The following DPP6 variants were observed in gnomAD, a reference collection of about 807,000 sequenced individuals.
DPP6 encodes A-type potassium channel modulatory protein DPP6.
In DPP6, 69 loss-of-function variants were observed where a neutral mutation model predicts 122.6. That is an observed-to-expected ratio of 0.56 (90% confidence interval 0.46 to 0.69). The LOEUF (loss-of-function observed/expected upper bound fraction) is 0.69. Among genes scored for constraint, DPP6 ranks in the 30% least tolerant of loss-of-function variants. The pLI, the probability that DPP6 is intolerant of heterozygous loss-of-function variation, is 0.00. For missense variants in DPP6, 928 were observed against 1,116.9 expected, an observed-to-expected ratio of 0.83 and a Z score of 2.41; for synonymous variants, 418 against 433.1, an observed-to-expected ratio of 0.97 and a Z score of 0.43.
At chr7:154,885,794 CG>C (rs1563327900) in intron 22 of DPP6, 50 bp downstream of exon 22, 2 of 1,548,910 alleles carry the variant, frequency 1.3e-6, no homozygotes, top group Admixed American at 3.9e-5. Flanking sequence ...CGCCCCGCCC[CG>C]CCCCCTGCCT....
At chr7:154,010,596 C>A (rs1434090501) in intron 1 of DPP6, among the ~76,000 whole-genome samples, 4 of 152,214 alleles carry the variant, frequency 2.6e-5, no homozygotes, top group Non-Finnish European at 5.9e-5. Flanking sequence ...TCAGTGTCTA[C>A]CTTTCTGTGG....
At chr7:153,970,176 C>A (rs983930509) in intron 1 of DPP6, among the ~76,000 whole-genome samples, 12 of 152,106 alleles carry the variant, frequency 7.9e-5, no homozygotes, top group African/African-American at 2.9e-4. Flanking sequence ...AATTTTTATT[C>A]TTTTAGCAAA....
chr7:154,253,666 G>A (rs755745898), intron 1 of DPP6, among the ~76,000 whole-genome samples: 2 of 152,216 alleles, frequency 1.3e-5, no homozygotes, highest in Non-Finnish European at 2.9e-5. Flanking sequence ...GATGATTGAT[G>A]ATGACAATGA....
intron 1 of DPP6, among the ~76,000 whole-genome samples, chr7:154,397,484 G>A (rs1815191745): frequency 6.6e-6 from 1 of 152,148 alleles, no homozygotes; most frequent in Non-Finnish European, 1.5e-5. Flanking sequence ...CAAATGCAAT[G>A]TCTTTGTTAT....
chr7:154,423,683 G>C (rs1982860), intron 1 of DPP6, among the ~76,000 whole-genome samples: 108,057 of 152,092 alleles, frequency 0.71, 38,716 homozygotes, highest in South Asian at 0.78. Flanking sequence ...CAGACAAAAA[G>C]GAATAAGCAA....
At chr7:154,678,083 C>T (rs1273705964) in intron 7 of DPP6, among the ~76,000 whole-genome samples, 1 of 152,112 alleles carries the variant, frequency 6.6e-6, no homozygotes, top group Admixed American at 6.5e-5. Context: ...TCTGTAAATA[C>T]GCACCAATCA....
intron 1 of DPP6, among the ~76,000 whole-genome samples, chr7:153,957,871 C>T (rs1261503813): frequency 6.6e-6 from 1 of 152,064 alleles, no homozygotes; most frequent in African/African-American, 2.4e-5. Context: ...ACTAGCTGCC[C>T]TAGAAAAATT....
intron 6 of DPP6, among the ~76,000 whole-genome samples, chr7:154,660,462 T>C (rs1837572594): frequency 6.7e-6 from 1 of 149,322 alleles, no homozygotes; most frequent in Admixed American, 6.6e-5. Flanking sequence ...GTTCATGCAG[T>C]CATGATGAAT....
chr7:154,544,940 C>T (rs1406938307), intron 4 of DPP6, among the ~76,000 whole-genome samples: 3 of 152,298 alleles, frequency 2.0e-5, no homozygotes, highest in South Asian at 4.1e-4. Context: ...TGGGTCCAGG[C>T]AGCAGTAGCA....
chr7:153,826,935 C>T, the DPP6 span, among the ~76,000 whole-genome samples: 1 of 151,910 alleles, frequency 6.6e-6, no homozygotes, highest in African/African-American at 2.4e-5. Context: ...GAAAATGTAA[C>T]TCATTTATTC....
intron 1 of DPP6, among the ~76,000 whole-genome samples, chr7:154,289,971 C>T (rs1805099503): frequency 6.6e-6 from 1 of 152,112 alleles, no homozygotes; most frequent in African/African-American, 2.4e-5. Context: ...GTGATGCTTG[C>T]TGGAATGACC....
rs536048946 is a variant in DPP6 at position 154,057,625 on chromosome 7, T to C, written c.243+4562T>C. ...AGAATTCTTAGGAGCTGTGGGGTTT[T>C]GTAGGCTGTGGATCCCAAACGTTGC... On this transcript the variant is annotated intron_variant, in intron 1 of 25. Transcript: ENST00000377770. The C allele has an allele frequency of 1.9e-3, 281 of 150,980 alleles. 18 individuals are homozygous for C. The highest frequency in any genetic ancestry group is 6.6e-3 in the African/African-American group (266 of 40,076). 9.4% of individuals were successfully genotyped at this position (150,980 alleles called of 1,614,324 possible).
intron 1 of DPP6, among the ~76,000 whole-genome samples, chr7:154,057,012 C>T (rs569967674): frequency 2.6e-5 from 4 of 152,340 alleles, no homozygotes; most frequent in African/African-American, 9.6e-5. Flanking sequence ...TACTCACCTA[C>T]AGAATAGCTA....
intron 1 of DPP6, among the ~76,000 whole-genome samples, chr7:154,232,288 TC>T (rs1302891883): frequency 4.6e-5 from 7 of 152,000 alleles, no homozygotes; most frequent in South Asian, 2.1e-4. Flanking sequence ...AAACAGGGTG[TC>T]CCAGCAAACA....
At chr7:153,754,559 A>T in the DPP6 span, among the ~76,000 whole-genome samples, 3 of 152,196 alleles carry the variant, frequency 2.0e-5, no homozygotes, top group African/African-American at 7.2e-5. Flanking sequence ...GGGTGCAAAG[A>T]TCACCTTGAA....
intron 4 of DPP6, among the ~76,000 whole-genome samples, chr7:154,558,472 A>T (rs746482469): frequency 1.9e-4 from 29 of 152,238 alleles, no homozygotes; most frequent in Non-Finnish European, 3.2e-4. Context: ...TTAGCACTCA[A>T]ATATAGTCAT....
At chr7:154,109,271 A>ACTTTT (rs954502691) in intron 1 of DPP6, among the ~76,000 whole-genome samples, 1 of 152,226 alleles carries the variant, frequency 6.6e-6, no homozygotes, top group East Asian at 1.9e-4. Context: ...GTATGCTGTT[A>ACTTTT]CTTTTCTTTT....
intron 1 of DPP6, among the ~76,000 whole-genome samples, chr7:154,004,716 C>T (rs1217546194): frequency 1.3e-5 from 2 of 151,568 alleles, no homozygotes; most frequent in Non-Finnish European, 2.9e-5. Context: ...CATTTCTCCA[C>T]GTCCCTATAA....
chr7:153,836,577 A>G, the DPP6 span, among the ~76,000 whole-genome samples: 10 of 152,224 alleles, frequency 6.6e-5, no homozygotes, highest in Non-Finnish European at 8.8e-5. Context: ...TTGTAAAAAG[A>G]GAATAATGAC....
Sources: gnomAD v4.1 joint callset for allele counts (sites outside exome capture counted in the v4.1 genomes callset) on GRCh38, gnomAD v4.1.1 for gene constraint, MANE v1.5 for transcripts, NCBI Gene and HGNC (gene_info 2026-07-23, HGNC 2026-07-21) for gene names.